The following TGDS variants were observed in gnomAD, a reference collection of about 807,000 sequenced individuals.
TGDS encodes UDP-D-glucose 4,6-dehydratase.
Under a neutral mutation model 52.3 loss-of-function variants are expected in TGDS, and 47 were observed. The ratio of observed to expected loss-of-function variants is 0.90; its 90% CI spans 0.71 to 1.15. The LOEUF is 1.15. Ranked by LOEUF, TGDS falls within the 50% of genes most tolerant of loss-of-function variation. The pLI, the probability that TGDS is intolerant of heterozygous loss-of-function variation, is 0.00. For missense variants in TGDS, 375 were observed against 418.4 expected (o/e 0.90, Z 0.90); for synonymous variants, 115 against 136.9 (o/e 0.84, Z 1.12).
rs1396784266 is a variant in TGDS, at chr13:94,576,400, T to A, written c.896A>T (p.Asp299Val). 1 of 1,592,516 alleles carries A rather than the reference T, an allele frequency of 6.3e-7. No homozygotes were observed. The highest frequency in any genetic ancestry group is 8.5e-7 in the Non-Finnish European group (1 of 1,169,632). ...TTCTGACTTCATTGGGTATCTCATG[T>A]CATTGGTGGGTCTTGGAAAACAAAA... is the stretch of plus-strand genomic sequence containing the variant. Reference protein sequence around the residue: ...VDYVNDRPTNDMRYPMKSEKI... With the variant: ...VDYVNDRPTNVMRYPMKSEKI... The change falls in exon 11 of 12, where the codon GAC becomes GTC. Residue 299 changes from aspartate to valine, a missense_variant. Coordinates refer to ENST00000261296, the MANE Select transcript of TGDS (RefSeq NM_014305.4).
chr13:94,585,811 A>C (rs1483321993), intron 4 of TGDS, among the ~76,000 whole-genome samples: 1 of 152,110 alleles, frequency 6.6e-6, no homozygotes, highest in Non-Finnish European at 1.5e-5. Flanking sequence ...AAAAAAAAAA[A>C]AAAAAAATCC....
intron 8 of TGDS, 65 bp downstream of exon 8, chr13:94,578,665 A>C (rs1888685059): frequency 5.7e-6 from 7 of 1,237,600 alleles, no homozygotes. Context: ...GATATTTAAG[A>C]AAGTGTCACC....
At chr13:94,585,445 T>C (rs1006579992) in intron 4 of TGDS, among the ~76,000 whole-genome samples, 2 of 152,066 alleles carry the variant, frequency 1.3e-5, no homozygotes, top group South Asian at 2.1e-4. Flanking sequence ...CTACTGACTA[T>C]ATAAAATAGT....
At chr13:94,583,259 T>C in intron 4 of TGDS, 23 bp from the exon 5 acceptor site, 1 of 1,608,090 alleles carries the variant, frequency 6.2e-7, no homozygotes, top group Non-Finnish European at 8.5e-7. Context: ...AGTGAAAAGC[T>C]AAAACAAGTC....
At chr13:94,595,557 T>G (rs1179908247) in intron 1 of TGDS, among the ~76,000 whole-genome samples, 1 of 152,176 alleles carries the variant, frequency 6.6e-6, no homozygotes, top group Non-Finnish European at 1.5e-5. Flanking sequence ...CGTAAGGATA[T>G]ACTTTGGAAG....
chr13:94,581,957 T>C (rs1023512661), intron 5 of TGDS, among the ~76,000 whole-genome samples: 3 of 152,180 alleles, frequency 2.0e-5, no homozygotes, highest in African/African-American at 7.2e-5. Flanking sequence ...CCCAGCACTT[T>C]GGGAGGCCGA....
chr13:94,592,240 C>T lies in TGDS; in HGVS notation c.222+1G>A. Reference sequence around the variant, plus strand: ...GTACAGTTACAAGAAAATGTTCATACCTGTATAAATTTGTAGTTCTGTTTG... The same window carrying T: ...GTACAGTTACAAGAAAATGTTCATATCTGTATAAATTTGTAGTTCTGTTTG... On this transcript the variant is annotated splice_donor_variant, in intron 3 of 11. Coordinates refer to ENST00000261296, the MANE Select transcript of TGDS (RefSeq NM_014305.4). LOFTEE classifies it high-confidence loss of function. 1.2e-6 allele frequency: 2 copies of T among 1,603,624 alleles called. No homozygotes were observed. The highest frequency in any genetic ancestry group is 1.7e-5 in the Admixed American group (1 of 58,274).
intron 9 of TGDS, 146 bp downstream of exon 9, chr13:94,577,859 T>A: frequency 1.3e-6 from 1 of 782,732 alleles, no homozygotes; most frequent in Non-Finnish European, 1.9e-6. Context: ...CAACTTAATT[T>A]AAGACACATA....
rs760720380 is a variant in TGDS at position 94,593,868 on chromosome 13, T to C, written c.126A>G (p.Pro42=). ...TGTCTAGATTTATGATCATATAGTT[T>C]GGATAATCTTCCACTAAAGAGACAA... ...HMIVSLVEDY[P]NYMIINLDKL... Residue 42 remains proline, a synonymous_variant, in exon 2 of 12, where the codon CCA becomes CCG. Coordinates refer to ENST00000261296, the MANE Select transcript of TGDS (RefSeq NM_014305.4). 10 of 1,581,710 alleles carry C rather than the reference T, an allele frequency of 6.3e-6. No homozygotes were observed. In the South Asian group the frequency reaches 1.2e-4, roughly 18 times the overall value.
intron 3 of TGDS, among the ~76,000 whole-genome samples, chr13:94,591,160 T>C (rs1355170126): frequency 1.3e-5 from 2 of 152,226 alleles, no homozygotes; most frequent in Non-Finnish European, 2.9e-5. Flanking sequence ...CAAATAATAT[T>C]TTAATGAGCA....
In TGDS at chr13:94,577,416, T is replaced by C. The variant is rs757419656; in HGVS notation, c.839A>G (p.Asn280Ser). Residue 280 changes from asparagine (N) to serine (S), a missense_variant, in exon 10 of 12, where the codon AAT (asparagine) becomes AGT (serine). Transcript: ENST00000261296. ...KELIQLIKETNSESEMENWVD... is the reference protein window; with the variant it reads ...KELIQLIKETSSESEMENWVD... ...CCAATTTTCCATTTCAGACTCTGAA[T>C]TGGTCTCTTTGATCTGTCAAAATGG... is the stretch of plus-strand genomic sequence containing the variant. The C allele has an allele frequency of 3.8e-6, 6 of 1,575,524 alleles. 1 individual carries two copies. Among genetic ancestry groups the C allele is most frequent in the South Asian group, 3.6e-5 (3 of 83,916 alleles).
At chr13:94,596,230 G>C (rs952156040), upstream of TGDS, 5 of 1,374,240 alleles carry the variant, frequency 3.6e-6, no homozygotes, top group Non-Finnish European at 5.0e-6. Flanking sequence ...CCTCGCTCGC[G>C]GGACACGTTA....
intron 1 of TGDS, among the ~76,000 whole-genome samples, chr13:94,595,635 G>C (rs1889347637): frequency 6.6e-6 from 1 of 152,162 alleles, no homozygotes; most frequent in Non-Finnish European, 1.5e-5. Flanking sequence ...ATTTGTAAAA[G>C]TTTGCTGATT....
chr13:94,579,570 C>T lies in TGDS; in HGVS notation c.615+324G>A, dbSNP rs150051719. The T allele has an allele frequency of 3.0e-3, 512 of 173,200 alleles. 18 individuals are homozygous for T. The South Asian group carries it at 0.053, about 18-fold the overall frequency. 10.7% of individuals were successfully genotyped at this position (173,200 alleles called of 1,614,324 possible). On this transcript the variant is annotated intron_variant, in intron 7 of 11. Transcript: ENST00000261296. ...ACTGCAAACAGGGAGTCAACTGCAGCGTGACAGTAGAGGTAGAAGTATTCT... is the reference window on the plus strand; with the variant it reads ...ACTGCAAACAGGGAGTCAACTGCAGTGTGACAGTAGAGGTAGAAGTATTCT...
intron 4 of TGDS, among the ~76,000 whole-genome samples, chr13:94,590,063 G>A (rs1199970750): frequency 6.6e-6 from 1 of 151,196 alleles, no homozygotes. Context: ...TGTATTTTTA[G>A]ACTGGAATAT....
At position 94,577,352 on chromosome 13, in the gene TGDS, G is replaced by A. The variant is rs1325126506; in HGVS notation, c.884+19C>T. ...TAAGATTTCACAACCTTTCCCCAAG[G>A]TTTTAACTTGTTACTCACCTATCAT... On this transcript the variant is annotated intron_variant, in intron 10 of 11. Coordinates refer to ENST00000261296, the MANE Select transcript of TGDS (RefSeq NM_014305.4). 6.5e-6 allele frequency: 10 copies of A among 1,549,004 alleles called. No individual in the cohort carries two copies. Among genetic ancestry groups the A allele is most frequent in the Non-Finnish European group, 8.7e-6 (10 of 1,153,926 alleles).
At chr13:94,590,131 T>C (rs1458716654) in intron 4 of TGDS, among the ~76,000 whole-genome samples, 10 of 149,352 alleles carry the variant, frequency 6.7e-5, no homozygotes, top group Admixed American at 1.3e-4. Context: ...TTAATCTACA[T>C]CGATTTTGAA....
intron 1 of TGDS, among the ~76,000 whole-genome samples, chr13:94,595,568 T>C (rs1255567036): frequency 6.6e-6 from 1 of 152,056 alleles, no homozygotes; most frequent in African/African-American, 2.4e-5. Context: ...ACTTTGGAAG[T>C]AGAGAGGACT....
At chr13:94,590,973 T>G in intron 3 of TGDS, 30 bp from the exon 4 acceptor site, 1 of 1,488,202 alleles carries the variant, frequency 6.7e-7, no homozygotes, top group Non-Finnish European at 9.1e-7. Context: ...TGAAAGGGCC[T>G]AGGTTTCATA....
Sources: gnomAD v4.1 joint callset for allele counts (sites outside exome capture counted in the v4.1 genomes callset) on GRCh38, gnomAD v4.1.1 for gene constraint, MANE v1.5 for transcripts, NCBI Gene and HGNC (gene_info 2026-07-23, HGNC 2026-07-21) for gene names.